The following NLRC5 variants were observed in gnomAD, a reference collection of about 807,000 sequenced individuals.
The protein encoded by NLRC5 is protein NLRC5.
In NLRC5, 114 loss-of-function variants were observed where a neutral mutation model predicts 206.9. The ratio of observed to expected loss-of-function variants is 0.55; its 90% confidence interval spans 0.47 to 0.64. The LOEUF is 0.64. NLRC5 is among the 30% of genes least tolerant of loss of function. The pLI, the probability that NLRC5 is intolerant of heterozygous loss-of-function variation, is 0.00. For synonymous variants in NLRC5, 952 were observed against 962.8 expected, an observed-to-expected ratio of 0.99 and a Z score of 0.21; for missense variants, 2,008 against 2,305.5, an observed-to-expected ratio of 0.87 and a Z score of 2.64.
intron 1 of NLRC5, among the ~76,000 whole-genome samples, chr16:56,994,899 G>A (rs2057414594): frequency 6.6e-6 from 1 of 152,208 alleles, no homozygotes; most frequent in Admixed American, 6.5e-5. Flanking sequence ...GCTGGGCTGG[G>A]CGCAGTGGCT....
At position 57,082,543 on chromosome 16, in the gene NLRC5, C is replaced by T. The variant is rs774900820; in HGVS notation, c.*15C>T. 5.7e-6 allele frequency: 9 copies of T among 1,568,672 alleles called. No homozygotes were observed. In the Admixed American group the frequency reaches 1.4e-4, roughly 24 times the overall value. On this transcript the variant is annotated 3_prime_UTR_variant, in exon 49 of 49. Coordinates refer to ENST00000688547, the MANE Select transcript of NLRC5 (RefSeq NM_001384950.1). Reference sequence around the variant, plus strand: ...GGGGTACTTGATGGCCCCCTCAAGACCTTTGGAATCCAGCCAAGTGATGCA... The same window carrying T: ...GGGGTACTTGATGGCCCCCTCAAGATCTTTGGAATCCAGCCAAGTGATGCA...
chr16:57,069,938 G>A lies in NLRC5; in HGVS notation c.4583+19G>A, dbSNP rs746232945. The A allele has an allele frequency of 9.0e-6, 14 of 1,558,540 alleles. No homozygotes were observed. The Admixed American group carries it at 2.3e-4, about 26-fold the overall frequency. ...AGCTGGAGTGAGTTGCAGAGTGGAG[G>A]GATTGGGGACAAGTGGCCCAGCTGA... On this transcript the variant is annotated intron_variant, in intron 37 of 48. Transcript: ENST00000688547.
intron 33 of NLRC5, among the ~76,000 whole-genome samples, chr16:57,066,325 AAG>A (rs2067082473): frequency 6.6e-6 from 1 of 151,898 alleles, no homozygotes; most frequent in South Asian, 2.1e-4. Flanking sequence ...AAAAAAAAGA[AAG>A]AGAAAAATTG....
Position 57,067,476 on chromosome 16 carries a change from C to T in NLRC5, c.4406+6C>T, listed in dbSNP as rs372896400. ...GCCAGGCTGCAGCAGCTCAGGTCAG[C>T]GCCTGGAAACTCTGTGTGGGGCCCT... On this transcript the variant is annotated splice_donor_region_variant and intron_variant, in intron 35 of 48. Coordinates refer to ENST00000688547, the MANE Select transcript of NLRC5 (RefSeq NM_001384950.1). The T allele has an allele frequency of 1.3e-4, 213 of 1,613,864 alleles. 3 individuals are homozygous for T. In the South Asian group the frequency reaches 1.6e-3, roughly 12 times the overall value.
chr16:57,009,095 C>T (rs1300349040), intron 1 of NLRC5, among the ~76,000 whole-genome samples: 5 of 146,682 alleles, frequency 3.4e-5, no homozygotes, highest in Admixed American at 6.8e-5. Flanking sequence ...GCTTGAGACC[C>T]GCCTGGCCAA....
rs1324006263 is a variant in NLRC5, at chr16:57,078,112, G to T, written c.5081+92G>T. 19 of 1,060,444 alleles carry T rather than the reference G, an allele frequency of 1.8e-5. No individual in the cohort carries two copies. The East Asian group carries it at 3.5e-4, about 19-fold the overall frequency. 65.7% of individuals were successfully genotyped at this position (1,060,444 alleles called of 1,614,324 possible). A position where few individuals can be genotyped will look rare whatever the true frequency, so the allele number is the denominator to read the frequency against. On this transcript the variant is annotated intron_variant, in intron 43 of 48. Coordinates refer to ENST00000688547, the MANE Select transcript of NLRC5 (RefSeq NM_001384950.1). ...GGTCCAGGCCCCCATCAGTTGAGCT[G>T]CCCTGCCCCAAGTCAAGCTTGGCAT...
chr16:57,020,293 A>G (rs2060516043), intron 2 of NLRC5, among the ~76,000 whole-genome samples: 1 of 80,064 alleles, frequency 1.2e-5, no homozygotes, highest in African/African-American at 5.1e-5. Context: ...CCCCCAAATC[A>G]CCTGCCCCCA....
At chr16:57,056,113 G>A (rs1412747196) in intron 27 of NLRC5, among the ~76,000 whole-genome samples, 1 of 152,158 alleles carries the variant, frequency 6.6e-6, no homozygotes, top group African/African-American at 2.4e-5. Flanking sequence ...GACACAGAGG[G>A]TGTAAGAACT....
intron 47 of NLRC5, 161 bp from the exon 48 acceptor site, chr16:57,081,366 G>A: frequency 1.2e-6 from 1 of 868,680 alleles, no homozygotes. Flanking sequence ...CCTTCCTGCT[G>A]CACCTGCCAC....
chr16:57,011,248 A>G (rs752079987), intron 1 of NLRC5, among the ~76,000 whole-genome samples: 1 of 151,970 alleles, frequency 6.6e-6, no homozygotes, highest in Non-Finnish European at 1.5e-5. Context: ...CCCCGTCTCT[A>G]CTAAAAATAC....
intron 1 of NLRC5, among the ~76,000 whole-genome samples, chr16:57,011,880 T>G (rs2059547115): frequency 6.6e-6 from 1 of 152,240 alleles, no homozygotes; most frequent in African/African-American, 2.4e-5. Context: ...TACTGCATTA[T>G]TTTTAACAAC....
chr16:57,054,760 G>C lies in NLRC5; in HGVS notation c.3516G>C (p.Gln1172His). The C allele has an allele frequency of 6.2e-7, 1 of 1,611,798 alleles. No homozygotes were observed. Among genetic ancestry groups the C allele is most frequent in the Non-Finnish European group, 8.5e-7 (1 of 1,178,696 alleles). The change falls in exon 25 of 49, where the codon CAG becomes CAC. Residue 1172 changes from glutamine to histidine, a missense_variant. By Grantham distance (24) the Gln-to-His change is conservative. Transcript: ENST00000688547. Reference sequence around the variant, plus strand: ...CCCCTTTCCTTTTCAGGCTGAGCCAGACGGGACTGTCCCCGAAAAGCCCCT... The same window carrying C: ...CCCCTTTCCTTTTCAGGCTGAGCCACACGGGACTGTCCCCGAAAAGCCCCT... ...LPQLSLLQLS[Q>H]TGLSPKSPFL...
rs1261931065 is a variant in NLRC5 at position 57,052,083 on chromosome 16, A to AACGGTGT, written c.3506+463_3506+464insCGGTGTA. On this transcript the variant is annotated intron_variant, in intron 24 of 48. Coordinates refer to ENST00000688547, the MANE Select transcript of NLRC5 (RefSeq NM_001384950.1). ...TGTACTTATCACATGCTGCTTTTTAAAGGTCACCGTCAAACTCGCAAAAAG... is the reference window on the plus strand; with the variant it reads ...TGTACTTATCACATGCTGCTTTTTAAACGGTGTAGGTCACCGTCAAACTCGCAAAAAG... 3.1e-3 allele frequency among the ~76,000 whole-genome samples: 466 copies of AACGGTGT among 152,272 alleles called. 1 individual carries two copies. The highest frequency in any genetic ancestry group is 4.6e-3 in the Admixed American group (71 of 15,298).
At chr16:57,047,960 C>T in intron 23 of NLRC5, 1 of 345,646 alleles carries the variant, frequency 2.9e-6, no homozygotes. Context: ...AACCTGCCTG[C>T]ATGGCTGGAG....
At chr16:57,036,317 G>A in intron 14 of NLRC5, 134 bp downstream of exon 14, 1 of 805,904 alleles carries the variant, frequency 1.2e-6, no homozygotes, top group Admixed American at 2.1e-5. Flanking sequence ...GCAAAGTCAA[G>A]ATGGTTTGAC....
chr16:57,063,662 G>A (rs908936180), intron 32 of NLRC5, among the ~76,000 whole-genome samples: 3 of 148,716 alleles, frequency 2.0e-5, no homozygotes, highest in Non-Finnish European at 4.5e-5. Context: ...AGTGCTAGGC[G>A]TGAGCCACCA....
chr16:57,013,606 C>G (rs1427631799), intron 1 of NLRC5: 2 of 1,119,282 alleles, frequency 1.8e-6, no homozygotes, highest in Middle Eastern at 2.2e-4. Flanking sequence ...GATTTTCAAG[C>G]AAGGTCATTA....
chr16:57,033,342 C>T (rs570497826), intron 11 of NLRC5, among the ~76,000 whole-genome samples: 54 of 152,278 alleles, frequency 3.5e-4, no homozygotes, highest in Middle Eastern at 3.4e-3. Flanking sequence ...AAAAGGGAGC[C>T]GACTGCAGTG....
At chr16:57,071,482 T>G (rs1265043764) in intron 38 of NLRC5, among the ~76,000 whole-genome samples, 4 of 88,334 alleles carry the variant, frequency 4.5e-5, no homozygotes, top group African/African-American at 9.5e-5. Flanking sequence ...GGGAAGGGGG[T>G]GAGTGAGCGA....
Sources: allele counts gnomAD v4.1 joint callset (sites outside exome capture counted in the v4.1 genomes callset), GRCh38; gene constraint gnomAD v4.1.1; transcripts MANE v1.5; gene names NCBI Gene and HGNC (gene_info 2026-07-23, HGNC 2026-07-21).